The following PLA2G4C variants were observed in gnomAD, a reference collection of about 807,000 sequenced individuals.
PLA2G4C encodes the protein phospholipase A2 group IVC.
A neutral mutation model predicts 73.8 loss-of-function variants in PLA2G4C; 64 were observed. The ratio of observed to expected loss-of-function variants is 0.87; its 90% CI spans 0.71 to 1.07. The LOEUF (loss-of-function observed/expected upper bound fraction) is 1.07, where lower values mean the gene tolerates loss of function less well. PLA2G4C is among the 50% of genes least tolerant of loss of function. The pLI is 0.00. For missense variants in PLA2G4C, 622 were observed against 665.4 expected, an observed-to-expected ratio of 0.93 and a Z score of 0.72; for synonymous variants, 254 against 252.1, an observed-to-expected ratio of 1.01 and a Z score of -0.07.
At chr19:48,058,731 T>G (rs936817127) in intron 14 of PLA2G4C, among the ~76,000 whole-genome samples, 1 of 149,668 alleles carries the variant, frequency 6.7e-6, no homozygotes, top group Middle Eastern at 3.2e-3. Flanking sequence ...GGCAAGAGAA[T>G]CACTTGAACC....
At chr19:48,102,383 T>C (rs10421018) in intron 4 of PLA2G4C, among the ~76,000 whole-genome samples, 22,908 of 151,552 alleles carry the variant, frequency 0.15, 3,230 homozygotes, top group African/African-American at 0.37. Context: ...CCCAGCTAAC[T>C]GGGAGGCTGA....
intron 15 of PLA2G4C, 132 bp from the exon 16 acceptor site, chr19:48,053,279 G>T: frequency 3.9e-6 from 2 of 516,356 alleles, no homozygotes; most frequent in East Asian, 3.1e-5. Flanking sequence ...CCACTACTTT[G>T]GCTTTATAAA....
At chr19:48,085,014 T>C (rs1014048784) in intron 10 of PLA2G4C, 45 bp downstream of exon 10, 1 of 1,413,562 alleles carries the variant, frequency 7.1e-7, no homozygotes, top group African/African-American at 1.4e-5. Flanking sequence ...TCTCCTTGCA[T>C]AAAATATCTC....
chr19:48,080,875 C>G (rs937417366), intron 10 of PLA2G4C, among the ~76,000 whole-genome samples: 1 of 150,112 alleles, frequency 6.7e-6, no homozygotes, highest in Admixed American at 6.7e-5. Flanking sequence ...AGATATGGAA[C>G]CAGCCGAGCA....
At chr19:48,090,044 C>T (rs977158399) in intron 8 of PLA2G4C, 52 of 284,730 alleles carry the variant, frequency 1.8e-4, no homozygotes, top group African/African-American at 1.1e-3. Flanking sequence ...AATGAATTAA[C>T]TCATCAAATA....
rs962026065 is a variant in PLA2G4C, at chr19:48,074,911, C to G, written c.899-37G>C. ...AATCCAGGTGGTCTCAGACACTGTC[C>G]AAGTACCCTACCAAGAACATCACAG... On this transcript the variant is annotated intron_variant, in intron 11 of 16. Coordinates refer to ENST00000599921, the MANE Select transcript of PLA2G4C (RefSeq NM_003706.3). 5.9e-6 allele frequency: 8 copies of G among 1,348,172 alleles called. No homozygotes were observed. In the East Asian group the frequency reaches 1.6e-4, roughly 27 times the overall value. 83.5% of individuals were successfully genotyped at this position (1,348,172 alleles called of 1,614,324 possible).
At chr19:48,089,022 A>G (rs1311132844) in intron 8 of PLA2G4C, among the ~76,000 whole-genome samples, 2 of 152,232 alleles carry the variant, frequency 1.3e-5, no homozygotes, top group Non-Finnish European at 2.9e-5. Context: ...CCACTGGAGA[A>G]GTAACACTCA....
intron 10 of PLA2G4C, among the ~76,000 whole-genome samples, chr19:48,084,817 G>T (rs1445034008): frequency 2.6e-5 from 4 of 152,186 alleles, no homozygotes; most frequent in Non-Finnish European, 5.9e-5. Flanking sequence ...CTTTTCAGAG[G>T]TCACAAAGCT....
rs1037399553 is a variant in PLA2G4C at position 48,110,535 on chromosome 19, C to G, written c.-81G>C. The stretch of plus-strand genomic sequence containing the variant: ...GCGCATGCGCGGTGGAGCTTGTGCT[C>G]CGGAATCCGGTGCGGAGGCTTGGGC... On this transcript the variant is annotated 5_prime_UTR_variant, in exon 1 of 17. Coordinates refer to ENST00000599921, the MANE Select transcript of PLA2G4C (RefSeq NM_003706.3). 5.9e-6 allele frequency: 9 copies of G among 1,533,110 alleles called. No individual in the cohort carries two copies. The highest frequency in any genetic ancestry group is 7.9e-6 in the Non-Finnish European group (9 of 1,142,702). 95.0% of individuals were successfully genotyped at this position (1,533,110 alleles called of 1,614,324 possible). A position where few individuals can be genotyped will look rare whatever the true frequency, so the allele number is the denominator to read the frequency against.
chr19:48,089,649 C>T (rs897348108), intron 8 of PLA2G4C, among the ~76,000 whole-genome samples: 15 of 152,218 alleles, frequency 9.9e-5, no homozygotes, highest in Admixed American at 2.0e-4. Context: ...TACGAGACTG[C>T]GACTACGTAC....
Position 48,054,967 on chromosome 19 carries a change from G to A in PLA2G4C, c.1340C>T (p.Ser447Phe). ...GATGTAGCAGCTGGCGGGGGCCTTG[G>A]ACCACAAATCCAGCTCAGCCTCTTC... ...QVEEAELDLW[S>F]KAPASCYILK... The change falls in exon 15 of 17, where the codon TCC becomes TTC. Residue 447 changes from serine to phenylalanine, a missense_variant. By Grantham distance (155) the Ser-to-Phe change is radical (BLOSUM62 -2). Coordinates refer to ENST00000599921, the MANE Select transcript of PLA2G4C (RefSeq NM_003706.3). The A allele has an allele frequency of 6.2e-7, 1 of 1,613,808 alleles. No homozygotes were observed. Among genetic ancestry groups the A allele is most frequent in the Non-Finnish European group, 8.5e-7 (1 of 1,179,978 alleles).
chr19:48,106,258 A>C (rs2032231997), intron 2 of PLA2G4C, among the ~76,000 whole-genome samples: 1 of 151,206 alleles, frequency 6.6e-6, no homozygotes, highest in Non-Finnish European at 1.5e-5. Flanking sequence ...AATTTTTAAA[A>C]ATATTTTCTT....
rs775764134 is a variant in PLA2G4C, at chr19:48,062,045, C to A, written c.1210G>T (p.Val404Phe). 9 of 1,613,784 alleles carry A rather than the reference C, an allele frequency of 5.6e-6. No individual in the cohort carries two copies. Among genetic ancestry groups the A allele is most frequent in the Non-Finnish European group, 7.6e-6 (9 of 1,179,936 alleles). Residue 404 changes from valine (V) to phenylalanine (F), a missense_variant, in exon 14 of 17, where the codon GTT becomes TTT. Physicochemically the swap from Val to Phe is conservative, Grantham distance 50 (BLOSUM62 -1). Coordinates refer to ENST00000599921, the MANE Select transcript of PLA2G4C (RefSeq NM_003706.3). ...FPLVLPPTRE[V>F]HLILSFDFSA... Reference sequence around the variant, plus strand: ...AAGTCGAAGGAGAGGATGAGGTGAACCTCCCGCGTCGGGGGCAGCACGAGT... The same window carrying A: ...AAGTCGAAGGAGAGGATGAGGTGAAACTCCCGCGTCGGGGGCAGCACGAGT...
At chr19:48,088,985 G>GT (rs1256183614) in intron 8 of PLA2G4C, among the ~76,000 whole-genome samples, 1 of 152,124 alleles carries the variant, frequency 6.6e-6, no homozygotes, top group East Asian at 1.9e-4. Context: ...TTTTGTTTTT[G>GT]TTTTTTAGAG....
chr19:48,085,009 T>A (rs1202301977), intron 10 of PLA2G4C, 50 bp downstream of exon 10: 1 of 1,323,416 alleles, frequency 7.6e-7, no homozygotes. Context: ...GTGAATCTCC[T>A]TGCATAAAAT....
chr19:48,091,022 AG>A (rs951449382), intron 7 of PLA2G4C, among the ~76,000 whole-genome samples: 1 of 148,548 alleles, frequency 6.7e-6, no homozygotes, highest in Non-Finnish European at 1.5e-5. Context: ...AAAAAAAAAA[AG>A]TTGCAGCTTC....
chr19:48,105,066 G>C (rs1168176339), intron 3 of PLA2G4C, among the ~76,000 whole-genome samples: 1 of 130,236 alleles, frequency 7.7e-6, no homozygotes, highest in Non-Finnish European at 1.6e-5. Flanking sequence ...CTGGGTGACA[G>C]AGCGAGACGT....
chr19:48,085,192 T>C, intron 9 of PLA2G4C, 80 bp from the exon 10 acceptor site: 1 of 976,764 alleles, frequency 1.0e-6, no homozygotes, highest in East Asian at 2.4e-5. Flanking sequence ...ACCAGCAGAC[T>C]GGCATAAAGC....
At chr19:48,090,159 C>T (rs2031215372) in intron 8 of PLA2G4C, 1 of 553,386 alleles carries the variant, frequency 1.8e-6, no homozygotes, top group Non-Finnish European at 3.2e-6. Flanking sequence ...TGTACCAGAG[C>T]AACATTCCTT....
Sources: allele counts gnomAD v4.1 joint callset (sites outside exome capture counted in the v4.1 genomes callset), GRCh38; gene constraint gnomAD v4.1.1; transcripts MANE v1.5; gene names NCBI Gene and HGNC (gene_info 2026-07-23, HGNC 2026-07-21).